CPQ: variants seen among roughly 807,000 people sequenced by gnomAD.
The protein encoded by CPQ is Ser-Met dipeptidase.
A neutral mutation model predicts 45.7 loss-of-function variants in CPQ; 37 were observed. The ratio of observed to expected loss-of-function variants is 0.81; its 90% CI spans 0.62 to 1.07. The LOEUF is 1.07. CPQ is among the 50% of genes least tolerant of loss of function. The probability of loss-of-function intolerance (pLI) is 0.00; values close to 1 mark genes in which losing one functional copy is unlikely to be tolerated. For synonymous variants in CPQ, 186 were observed against 205.8 expected (o/e 0.90, Z 0.82); for missense variants, 537 against 572.9 (o/e 0.94, Z 0.64).
At chr8:96,803,435 T>G (rs1379714018) in intron 2 of CPQ, among the ~76,000 whole-genome samples, 4 of 152,222 alleles carry the variant, frequency 2.6e-5, no homozygotes, top group Non-Finnish European at 4.4e-5. Flanking sequence ...TAAAGATCTA[T>G]TAATACCTTT....
chr8:96,767,635 C>CTTTTTTTTTTTTTTTTTTTTTTT lies in CPQ; in HGVS notation c.-34-17225_-34-17203dup, dbSNP rs1172189500. ...AATCCCTTTCAGCTGGTTACCTATGCTTTTTTTTTTTTTTTTTTTTTTTTT... is the reference window on the plus strand; with the variant it reads ...AATCCCTTTCAGCTGGTTACCTATGCTTTTTTTTTTTTTTTTTTTTTTTTTTTTTTTTTTTTTTTTTTTTTTTT... On this transcript the variant is annotated intron_variant, in intron 1 of 7. Coordinates refer to ENST00000220763, the MANE Select transcript of CPQ (RefSeq NM_016134.4). Among the ~76,000 whole-genome samples, 2 of 39,278 alleles carry CTTTTTTTTTTTTTTTTTTTTTTT rather than the reference C, an allele frequency of 5.1e-5. 1 individual carries two copies. Among genetic ancestry groups the CTTTTTTTTTTTTTTTTTTTTTTT allele is most frequent in the Non-Finnish European group, 8.7e-5 (2 of 22,872 alleles). 25.8% of individuals were successfully genotyped at this position (39,278 alleles called of 152,430 possible).
At chr8:96,981,288 G>T (rs1177717992) in intron 5 of CPQ, among the ~76,000 whole-genome samples, 1 of 152,122 alleles carries the variant, frequency 6.6e-6, no homozygotes, top group Non-Finnish European at 1.5e-5. Flanking sequence ...TGAAATAATG[G>T]CATCTTTTAA....
At chr8:96,740,237 G>A (rs551735085) in intron 1 of CPQ, among the ~76,000 whole-genome samples, 8 of 152,224 alleles carry the variant, frequency 5.3e-5, no homozygotes, top group South Asian at 2.1e-4. Flanking sequence ...GTGAATGGGA[G>A]TTCACTCATG....
chr8:97,056,397 A>G (rs966196153), intron 6 of CPQ: 16 of 152,180 alleles, frequency 1.1e-4, no homozygotes, highest in African/African-American at 3.6e-4. Flanking sequence ...CCCAATTTCT[A>G]TTGGTCAGGA....
intron 1 of CPQ, among the ~76,000 whole-genome samples, chr8:96,768,288 C>CT (rs71569182): frequency 0.18 from 26,194 of 143,316 alleles, 2,681 homozygotes; most frequent in African/African-American, 0.29. Flanking sequence ...TGGCTTAACA[C>CT]TTTTTTTTTT....
chr8:96,879,054 A>C (rs1812185256), intron 3 of CPQ, among the ~76,000 whole-genome samples: 1 of 152,228 alleles, frequency 6.6e-6, no homozygotes, highest in Non-Finnish European at 1.5e-5. Context: ...TAGTAGATAC[A>C]GAGGTTGAAT....
chr8:97,015,470 A>T (rs1437799169), intron 5 of CPQ, among the ~76,000 whole-genome samples: 4 of 152,164 alleles, frequency 2.6e-5, no homozygotes, highest in Admixed American at 6.5e-5. Context: ...TCGGATATAA[A>T]CTTAACAATT....
chr8:96,919,315 C>A (rs1452978416), intron 4 of CPQ, among the ~76,000 whole-genome samples: 1 of 152,106 alleles, frequency 6.6e-6, no homozygotes, highest in Non-Finnish European at 1.5e-5. Flanking sequence ...TTGGCTTCCA[C>A]GTCATTCTGT....
In CPQ at chr8:96,781,606, G is replaced by A. The variant is rs144731809; in HGVS notation, c.-34-3258G>A. On this transcript the variant is annotated intron_variant, in intron 1 of 7. Coordinates refer to ENST00000220763, the MANE Select transcript of CPQ (RefSeq NM_016134.4). ...AAGTTAAACCCATAGTATTCCTCCT[G>A]TCATGTTTTTCTTACATACAAAACA... Among the ~76,000 whole-genome samples, 566 of 152,262 alleles carry A rather than the reference G, an allele frequency of 3.7e-3. 8 individuals are homozygous for A. The highest frequency in any genetic ancestry group is 0.011 in the Admixed American group (173 of 15,290).
At chr8:96,648,821 G>A (rs1256724632) in intron 1 of CPQ, among the ~76,000 whole-genome samples, 1 of 152,158 alleles carries the variant, frequency 6.6e-6, no homozygotes, top group Admixed American at 6.5e-5. Context: ...ACAAGAGCAA[G>A]GAAAAGGAGG....
chr8:97,033,441 C>T (rs7004283), intron 6 of CPQ, among the ~76,000 whole-genome samples: 3,142 of 152,240 alleles, frequency 0.021, 101 homozygotes, highest in African/African-American at 0.071. Flanking sequence ...AAAAGCTTAC[C>T]TACTTCTGGT....
chr8:96,935,460 A>G (rs959191277), intron 4 of CPQ, among the ~76,000 whole-genome samples: 4 of 152,178 alleles, frequency 2.6e-5, no homozygotes, highest in African/African-American at 2.4e-5. Context: ...CACCCAAACC[A>G]TGGATGACTG....
chr8:96,708,691 G>T (rs998260253), intron 1 of CPQ, among the ~76,000 whole-genome samples: 6 of 152,050 alleles, frequency 3.9e-5, no homozygotes, highest in Non-Finnish European at 8.8e-5. Context: ...CAGCTGCATT[G>T]TTGTATAGCT....
In CPQ at chr8:96,978,085, ATCT is replaced by A. The variant is rs552311781; in HGVS notation, c.961+12043_961+12045del. On this transcript the variant is annotated intron_variant, in intron 5 of 7. Coordinates refer to ENST00000220763, the MANE Select transcript of CPQ (RefSeq NM_016134.4). ...CTCCTCCTCTTTTTCTTTAGAGATG[ATCT>A]TCTCATTTTTTATTCTGATATGTTA... Among the ~76,000 whole-genome samples the A allele has an allele frequency of 4.1e-3, 624 of 151,966 alleles. 2 individuals carry two copies. The highest frequency in any genetic ancestry group is 0.014 in the African/African-American group (598 of 41,426).
chr8:97,029,659 A>C (rs1809862683), intron 6 of CPQ, among the ~76,000 whole-genome samples, 165 bp downstream of exon 6: 1 of 152,202 alleles, frequency 6.6e-6, no homozygotes, highest in African/African-American at 2.4e-5. Context: ...ATGCACTGGT[A>C]AACCAATGAT....
chr8:97,121,681 G>A (rs564109321), intron 7 of CPQ, among the ~76,000 whole-genome samples: 1 of 152,230 alleles, frequency 6.6e-6, no homozygotes, highest in East Asian at 1.9e-4. Context: ...AACACCCACT[G>A]AAGAGAAGCA....
chr8:96,918,826 G>A (rs1284724023), intron 4 of CPQ, among the ~76,000 whole-genome samples: 1 of 152,086 alleles, frequency 6.6e-6, no homozygotes, highest in Non-Finnish European at 1.5e-5. Flanking sequence ...GTGGGTTTCA[G>A]TTGCCTCATT....
At chr8:96,878,022 G>T (rs1812171317) in intron 3 of CPQ, among the ~76,000 whole-genome samples, 1 of 152,080 alleles carries the variant, frequency 6.6e-6, no homozygotes, top group Non-Finnish European at 1.5e-5. Context: ...GAGTGCAGTG[G>T]CATGATCTCG....
intron 6 of CPQ, among the ~76,000 whole-genome samples, chr8:97,031,684 A>G (rs1466832899): frequency 2.0e-5 from 3 of 152,226 alleles, no homozygotes; most frequent in African/African-American, 7.2e-5. Flanking sequence ...GTTGGCAGAA[A>G]TACACACACT....
Sources: gnomAD v4.1 joint callset for allele counts (sites outside exome capture counted in the v4.1 genomes callset) on GRCh38, gnomAD v4.1.1 for gene constraint, MANE v1.5 for transcripts, NCBI Gene and HGNC (gene_info 2026-07-23, HGNC 2026-07-21) for gene names.